GRID1: variants seen among roughly 807,000 people sequenced by gnomAD.
GRID1 encodes glutamate ionotropic receptor delta type subunit 1.
A neutral mutation model predicts 98.0 loss-of-function variants in GRID1; 28 were observed. The observed-to-expected ratio is 0.29, with a 90% CI of 0.21 to 0.39. The LOEUF (loss-of-function observed/expected upper bound fraction) is 0.39, where lower values mean the gene tolerates loss of function less well. Ranked by LOEUF, GRID1 falls within the 10% of genes least tolerant of loss-of-function variation. The pLI is 1.00. For missense variants in GRID1, 1,111 were observed against 1,340.5 expected, an observed-to-expected ratio of 0.83 and a Z score of 2.67; for synonymous variants, 553 against 538.5, an observed-to-expected ratio of 1.03 and a Z score of -0.37.
At chr10:85,646,877 C>T in intron 13 of GRID1, 1 of 343,988 alleles carries the variant, frequency 2.9e-6, no homozygotes, top group South Asian at 3.6e-5. Flanking sequence ...CACTCTGCTA[C>T]TGCTTTTGCC....
chr10:85,981,022 C>T (rs900578226), intron 4 of GRID1, among the ~76,000 whole-genome samples: 1 of 152,210 alleles, frequency 6.6e-6, no homozygotes, highest in Non-Finnish European at 1.5e-5. Context: ...CTTGGACAGC[C>T]TCAGCGTGGA....
In GRID1 at chr10:86,077,737, T is replaced by C. The variant is rs1309742773; in HGVS notation, c.726+61082A>G. The stretch of plus-strand genomic sequence containing the variant: ...CTCTTTGCAGCCCTCTGAGAACCTA[T>C]ATTGGGAGCTGGATATTAGGATGGG... On this transcript the variant is annotated intron_variant, in intron 4 of 15. Coordinates refer to ENST00000327946, the MANE Select transcript of GRID1 (RefSeq NM_017551.3). Among the ~76,000 whole-genome samples the C allele has an allele frequency of 2.0e-5, 3 of 152,242 alleles. No individual in the cohort carries two copies. The South Asian group carries it at 6.2e-4, about 32-fold the overall frequency.
chr10:86,187,850 A>T (rs991034632), intron 3 of GRID1, among the ~76,000 whole-genome samples: 2 of 152,252 alleles, frequency 1.3e-5, no homozygotes, highest in Non-Finnish European at 2.9e-5. Context: ...TTAACTTCAC[A>T]GTTGCTACAT....
chr10:86,011,682 C>G (rs1179163977), intron 4 of GRID1, among the ~76,000 whole-genome samples: 1 of 152,164 alleles, frequency 6.6e-6, no homozygotes, highest in East Asian at 1.9e-4. Context: ...GATATGGAAG[C>G]ACTTGCCAGA....
At chr10:85,761,492 C>T (rs915249780) in intron 8 of GRID1, among the ~76,000 whole-genome samples, 1 of 152,184 alleles carries the variant, frequency 6.6e-6, no homozygotes, top group Non-Finnish European at 1.5e-5. Flanking sequence ...TCACTGCTCT[C>T]ACAGTGCCCA....
intron 12 of GRID1, among the ~76,000 whole-genome samples, chr10:85,685,833 G>A (rs1279179320): frequency 6.6e-6 from 1 of 151,758 alleles, no homozygotes; most frequent in Admixed American, 6.6e-5. Context: ...AAATGTAGCA[G>A]AAATAAATAT....
At chr10:86,224,996 C>T (rs1210137987) in intron 2 of GRID1, among the ~76,000 whole-genome samples, 1 of 152,194 alleles carries the variant, frequency 6.6e-6, no homozygotes, top group Non-Finnish European at 1.5e-5. Context: ...GCACAGGTGC[C>T]GGAGGAATGT....
At chr10:86,266,443 A>G (rs1177425501) in intron 2 of GRID1, among the ~76,000 whole-genome samples, 1 of 152,176 alleles carries the variant, frequency 6.6e-6, no homozygotes, top group Non-Finnish European at 1.5e-5. Flanking sequence ...CAGCACTTCT[A>G]CACAGCTGAG....
chr10:85,807,176 AC>A (rs1318315566), intron 8 of GRID1, among the ~76,000 whole-genome samples: 1 of 151,730 alleles, frequency 6.6e-6, no homozygotes. Flanking sequence ...ATGGCAAAAC[AC>A]CATCTCTACT....
intron 12 of GRID1, among the ~76,000 whole-genome samples, chr10:85,666,839 T>G (rs1841024656): frequency 6.6e-6 from 1 of 152,100 alleles, no homozygotes; most frequent in Non-Finnish European, 1.5e-5. Context: ...TCACATCAGG[T>G]GCAGGTGTCC....
At chr10:86,056,858 T>G (rs1402861617) in intron 4 of GRID1, among the ~76,000 whole-genome samples, 4 of 152,236 alleles carry the variant, frequency 2.6e-5, no homozygotes, top group Non-Finnish European at 5.9e-5. Context: ...CAGGAGCCCC[T>G]AGGGCCTCGG....
At chr10:85,671,925 A>C (rs1841090339) in intron 12 of GRID1, among the ~76,000 whole-genome samples, 1 of 152,178 alleles carries the variant, frequency 6.6e-6, no homozygotes, top group African/African-American at 2.4e-5. Context: ...CAATGCCCCA[A>C]CTCTCTTCAA....
chr10:85,976,746 C>T (rs562529769), intron 4 of GRID1, among the ~76,000 whole-genome samples: 1 of 152,348 alleles, frequency 6.6e-6, no homozygotes, highest in Non-Finnish European at 1.5e-5. Context: ...CAGACCTGAA[C>T]AGGCTTACCT....
At chr10:85,943,006 G>T (rs762824669) in intron 4 of GRID1, among the ~76,000 whole-genome samples, 3 of 152,148 alleles carry the variant, frequency 2.0e-5, no homozygotes, top group Non-Finnish European at 4.4e-5. Context: ...TGCAATAGTT[G>T]AAAACTATTC....
chr10:85,621,295 A>G (rs1842857041), intron 13 of GRID1, among the ~76,000 whole-genome samples: 1 of 152,136 alleles, frequency 6.6e-6, no homozygotes, highest in Non-Finnish European at 1.5e-5. Flanking sequence ...CAGCACTGAA[A>G]CATCACAGAC....
chr10:86,229,364 A>T (rs1166540971), intron 2 of GRID1, among the ~76,000 whole-genome samples: 1 of 152,164 alleles, frequency 6.6e-6, no homozygotes, highest in African/African-American at 2.4e-5. Flanking sequence ...AGTAAGGATG[A>T]AGAAGCCAGG....
Position 86,206,224 on chromosome 10 carries a change from G to A in GRID1, c.520+140C>T, listed in dbSNP as rs922151772. ...CAGCTCTTCCTGACTCATGAAGCTC[G>A]AGGTTTGACCCTATCACCTGGAGGC... On this transcript the variant is annotated intron_variant, in intron 3 of 15. Coordinates refer to ENST00000327946, the MANE Select transcript of GRID1 (RefSeq NM_017551.3). This position sits in a 1 kb window ranked among gnomAD's most constrained non-coding sequence, Gnocchi z 4.1. The A allele has an allele frequency of 1.3e-5, 9 of 672,394 alleles. No individual in the cohort carries two copies. The highest frequency in any genetic ancestry group is 9.0e-5 in the Admixed American group (3 of 33,192). The allele number at this position is 672,394 out of a possible 1,614,324, so 41.7% of individuals were successfully genotyped here.
intron 4 of GRID1, among the ~76,000 whole-genome samples, chr10:86,097,247 C>T (rs762722659): frequency 2.6e-4 from 39 of 152,152 alleles, no homozygotes; most frequent in Middle Eastern, 3.4e-3. Context: ...CAATCCCAGA[C>T]GATAGATATA....
At chr10:85,877,038 G>C (rs930828400) in intron 5 of GRID1, among the ~76,000 whole-genome samples, 4 of 152,220 alleles carry the variant, frequency 2.6e-5, no homozygotes, top group Non-Finnish European at 1.5e-5. Context: ...ACTGCAAGGC[G>C]GCAGTAAGGC....
Sources: allele counts gnomAD v4.1 joint callset (sites outside exome capture counted in the v4.1 genomes callset), GRCh38; gene constraint gnomAD v4.1.1; non-coding constraint Gnocchi (gnomAD v3.1); transcripts MANE v1.5; gene names NCBI Gene and HGNC (gene_info 2026-07-23, HGNC 2026-07-21).